IGSF11: variants seen among roughly 807,000 people sequenced by gnomAD.
IGSF11 encodes CXADR like 1.
A neutral mutation model predicts 41.0 loss-of-function variants in IGSF11; 22 were observed. The observed-to-expected ratio is 0.54, with a 90% CI of 0.38 to 0.77. The LOEUF is 0.77. IGSF11 is among the 30% of genes least tolerant of loss of function. The pLI, the probability that IGSF11 is intolerant of heterozygous loss-of-function variation, is 0.00. For synonymous variants in IGSF11, 219 were observed against 201.3 expected, an observed-to-expected ratio of 1.09 and a Z score of -0.74; for missense variants, 444 against 530.8, an observed-to-expected ratio of 0.84 and a Z score of 1.61.
At chr3:118,927,518 G>A (rs921758944) in intron 3 of IGSF11, among the ~76,000 whole-genome samples, 2 of 152,066 alleles carry the variant, frequency 1.3e-5, no homozygotes, top group South Asian at 4.1e-4. Flanking sequence ...TTGGTCATCA[G>A]TTTTTTTATT....
chr3:118,928,620 T>C lies in IGSF11; in HGVS notation c.313A>G (p.Ile105Val), dbSNP rs1942576754. The stretch of plus-strand genomic sequence containing the variant: ...GATAACTGAGTGTTATTAATGAAGA[T>C]AGAGACATTGGTAGCTGGCATGGTG... ...TGTMPATNVSIFINNTQLSDT... is the reference protein window; with the variant it reads ...TGTMPATNVSVFINNTQLSDT... The change falls in exon 3 of 7, where the codon ATC (isoleucine) becomes GTC (valine). Residue 105 changes from isoleucine (I) to valine (V), a missense_variant. Physicochemically the swap from Ile to Val is conservative, Grantham distance 29. Transcript: ENST00000393775. 1.8e-5 allele frequency: 29 copies of C among 1,614,070 alleles called. No individual in the cohort carries two copies. The highest frequency in any genetic ancestry group is 1.7e-4 in the Middle Eastern group (1 of 6,048).
At chr3:118,930,303 A>G (rs1576399712) in intron 1 of IGSF11, 28 bp from the exon 2 acceptor site, 1 of 1,590,088 alleles carries the variant, frequency 6.3e-7, no homozygotes, top group South Asian at 1.1e-5. Context: ...GGGAGGTTAT[A>G]TGCTCGCCCT....
chr3:119,143,333 G>A (rs914363894), intron 1 of IGSF11, among the ~76,000 whole-genome samples: 5 of 152,140 alleles, frequency 3.3e-5, no homozygotes, highest in African/African-American at 9.7e-5. Flanking sequence ...CAAAAAAGTA[G>A]AGACAGACAT....
At chr3:118,958,037 CA>C (rs540854419) in intron 1 of IGSF11, among the ~76,000 whole-genome samples, 43 of 152,266 alleles carry the variant, frequency 2.8e-4, no homozygotes, top group Non-Finnish European at 5.9e-4. Context: ...TGCTAAAATA[CA>C]AAAGTGGAAG....
Position 118,902,466 on chromosome 3 carries a change from C to CCCCGG in IGSF11, c.*53_*54insCCGGG. On this transcript the variant is annotated 3_prime_UTR_variant, in exon 7 of 7. Coordinates refer to ENST00000393775, the MANE Select transcript of IGSF11 (RefSeq NM_001015887.3). ...CAGCACTCCCCACCCCACCCTCCCC[C>CCCCGG]TTGTATGAGGGCATTCCATTTATTC... 1 of 878,270 alleles carries CCCCGG rather than the reference C, an allele frequency of 1.1e-6. No homozygotes were observed. Among genetic ancestry groups the CCCCGG allele is most frequent in the African/African-American group, 1.7e-5 (1 of 60,496 alleles). The allele number at this position is 878,270 out of a possible 1,614,324, so 54.4% of individuals were successfully genotyped here. A position where few individuals can be genotyped will look rare whatever the true frequency, so the allele number is the denominator to read the frequency against.
chr3:119,018,586 T>C (rs1457385712), intron 1 of IGSF11, among the ~76,000 whole-genome samples: 1 of 152,246 alleles, frequency 6.6e-6, no homozygotes, highest in African/African-American at 2.4e-5. Context: ...CTCTTAACTA[T>C]AGGTACTGGA....
intron 1 of IGSF11, among the ~76,000 whole-genome samples, chr3:118,931,408 T>C (rs1408031687): frequency 6.6e-6 from 1 of 152,126 alleles, no homozygotes; most frequent in Non-Finnish European, 1.5e-5. Flanking sequence ...AATACAAATA[T>C]CCATCAACTG....
chr3:119,092,969 T>C (rs763394478), intron 1 of IGSF11, among the ~76,000 whole-genome samples: 2 of 152,192 alleles, frequency 1.3e-5, no homozygotes, highest in African/African-American at 2.4e-5. Flanking sequence ...GGCCTAGGTG[T>C]ATGGTAGACT....
At chr3:119,007,415 AC>A (rs1291801959) in intron 1 of IGSF11, among the ~76,000 whole-genome samples, 3 of 150,494 alleles carry the variant, frequency 2.0e-5, no homozygotes, top group Admixed American at 6.6e-5. Context: ...TGCAGAAATC[AC>A]CCGTCTTCTG....
intron 1 of IGSF11, among the ~76,000 whole-genome samples, chr3:119,072,187 G>A (rs1251739964): frequency 6.6e-6 from 1 of 152,172 alleles, no homozygotes; most frequent in Non-Finnish European, 1.5e-5. Context: ...TAGCTTGAGT[G>A]GGTTTCTCTT....
chr3:119,005,422 G>A (rs1333349473), intron 1 of IGSF11, among the ~76,000 whole-genome samples: 2 of 151,078 alleles, frequency 1.3e-5, no homozygotes, highest in East Asian at 3.9e-4. Context: ...TATCCAACTC[G>A]CCAGTCTGTG....
At chr3:119,004,887 G>A (rs1220802624) in intron 1 of IGSF11, among the ~76,000 whole-genome samples, 2 of 152,156 alleles carry the variant, frequency 1.3e-5, no homozygotes, top group Non-Finnish European at 2.9e-5. Flanking sequence ...TTCCAACTAT[G>A]TGGTCAATTT....
chr3:119,085,956 C>T (rs571074139), intron 1 of IGSF11, among the ~76,000 whole-genome samples: 89 of 152,312 alleles, frequency 5.8e-4, no homozygotes, highest in African/African-American at 8.2e-4. Flanking sequence ...CTGAGCAAAG[C>T]GGCTCTAAGG....
Position 118,902,972 on chromosome 3 carries a change from C to T in IGSF11, c.855-11G>A. On this transcript the variant is annotated splice_polypyrimidine_tract_variant and intron_variant, in intron 6 of 6. Transcript: ENST00000393775. Reference sequence around the variant, plus strand: ...GGAAGATCATCCTCTCTGAAAGGAACAAAATAAAGTCGTTGTTAGGATTTA... The same window carrying T: ...GGAAGATCATCCTCTCTGAAAGGAATAAAATAAAGTCGTTGTTAGGATTTA... 3.1e-6 allele frequency: 5 copies of T among 1,609,670 alleles called. No homozygotes were observed. The highest frequency in any genetic ancestry group is 1.1e-5 in the South Asian group (1 of 90,952).
At chr3:118,903,014 T>A in intron 6 of IGSF11, 53 bp from the exon 7 acceptor site, 1 of 1,496,546 alleles carries the variant, frequency 6.7e-7, no homozygotes, top group South Asian at 1.2e-5. Context: ...GTTAATCCTA[T>A]CCTCCTACCC....
At chr3:118,952,817 C>T (rs957304588) in intron 1 of IGSF11, among the ~76,000 whole-genome samples, 4 of 152,106 alleles carry the variant, frequency 2.6e-5, no homozygotes, top group African/African-American at 7.2e-5. Context: ...TTTGAATGCA[C>T]TGATCAAATA....
intron 1 of IGSF11, among the ~76,000 whole-genome samples, chr3:119,053,981 T>G (rs940911683): frequency 5.3e-5 from 8 of 152,296 alleles, no homozygotes; most frequent in African/African-American, 1.9e-4. Context: ...AGAATGAAAC[T>G]GGATCCTCAT....
chr3:118,928,815 A>G (rs1942595556), intron 2 of IGSF11, 99 bp from the exon 3 acceptor site: 4 of 815,610 alleles, frequency 4.9e-6, no homozygotes, highest in South Asian at 1.9e-5. Context: ...TGCACCAAAC[A>G]TTGGAAAATT....
At chr3:119,102,232 G>A (rs1190951989) in intron 1 of IGSF11, among the ~76,000 whole-genome samples, 1 of 152,086 alleles carries the variant, frequency 6.6e-6, no homozygotes, top group African/African-American at 2.4e-5. Flanking sequence ...AAAATTCATG[G>A]AATTATATTC....
Sources: gnomAD v4.1 joint callset for allele counts (sites outside exome capture counted in the v4.1 genomes callset) on GRCh38, gnomAD v4.1.1 for gene constraint, MANE v1.5 for transcripts, NCBI Gene and HGNC (gene_info 2026-07-23, HGNC 2026-07-21) for gene names.